The following RNGTT variants were observed in gnomAD, a reference collection of about 807,000 sequenced individuals.
RNGTT encodes the protein mRNA-capping enzyme.
In RNGTT, 33 loss-of-function variants were observed where a neutral mutation model predicts 79.3. The ratio of observed to expected loss-of-function variants is 0.42; its 90% CI spans 0.32 to 0.56. RNGTT has a LOEUF of 0.56. RNGTT is among the 20% of genes least tolerant of loss of function. The probability of loss-of-function intolerance (pLI) is 0.17; values close to 1 mark genes in which losing one functional copy is unlikely to be tolerated. For missense variants in RNGTT, 497 were observed against 739.1 expected (o/e 0.67, Z 3.80); for synonymous variants, 222 against 235.9 (o/e 0.94, Z 0.54).
chr6:88,766,274 T>C (rs1778458289), intron 13 of RNGTT, among the ~76,000 whole-genome samples: 1 of 152,110 alleles, frequency 6.6e-6, no homozygotes, highest in East Asian at 1.9e-4. Context: ...TACTATTCTA[T>C]ACAAATAATA....
intron 11 of RNGTT, among the ~76,000 whole-genome samples, chr6:88,810,955 G>A (rs1484405101): frequency 6.6e-6 from 1 of 152,182 alleles, no homozygotes; most frequent in Non-Finnish European, 1.5e-5. Context: ...CTTGGCCAAT[G>A]TGCCTAAATA....
At chr6:88,843,070 C>A (rs529127465) in intron 11 of RNGTT, among the ~76,000 whole-genome samples, 1 of 148,668 alleles carries the variant, frequency 6.7e-6, no homozygotes, top group African/African-American at 2.5e-5. Flanking sequence ...GAGACCCTGC[C>A]TCAAAACAAA....
intron 14 of RNGTT, among the ~76,000 whole-genome samples, chr6:88,622,518 C>T (rs76577299): frequency 6.6e-6 from 1 of 152,092 alleles, no homozygotes; most frequent in Non-Finnish European, 1.5e-5. Flanking sequence ...CATTGTCTTA[C>T]ACATTTAAAT....
intron 8 of RNGTT, among the ~76,000 whole-genome samples, chr6:88,859,315 C>A (rs1340021200): frequency 6.6e-6 from 1 of 152,036 alleles, no homozygotes; most frequent in Admixed American, 6.6e-5. Context: ...ACATTGGTTA[C>A]AAAGATACTG....
chr6:88,963,201 TC>T, intron 1 of RNGTT, 144 bp downstream of exon 1: 2 of 745,424 alleles, frequency 2.7e-6, no homozygotes, highest in South Asian at 3.5e-5. Context: ...TTCCCATTCA[TC>T]CACGAAGCGT....
intron 15 of RNGTT, among the ~76,000 whole-genome samples, chr6:88,613,110 T>C (rs1772093675): frequency 6.6e-6 from 1 of 152,262 alleles, no homozygotes; most frequent in African/African-American, 2.4e-5. Flanking sequence ...AAACTTTAAA[T>C]GTTTGGGCTA....
At chr6:88,933,404 C>T (rs915937828) in intron 2 of RNGTT, among the ~76,000 whole-genome samples, 4 of 152,134 alleles carry the variant, frequency 2.6e-5, no homozygotes, top group Admixed American at 6.6e-5. Flanking sequence ...CTCCCTTCAC[C>T]ATGCTCCTCC....
chr6:88,849,728 T>TG (rs1781609175), intron 10 of RNGTT, 27 bp downstream of exon 10: 2 of 1,494,956 alleles, frequency 1.3e-6, no homozygotes, highest in African/African-American at 2.9e-5. Flanking sequence ...AGTAATAACT[T>TG]GTATTTTATA....
intron 8 of RNGTT, among the ~76,000 whole-genome samples, chr6:88,873,604 T>C (rs1782423417): frequency 6.6e-6 from 1 of 152,148 alleles, no homozygotes. Context: ...TCTAAAAGCA[T>C]ACACACCAAA....
At chr6:88,744,132 G>C (rs2127826798) in intron 13 of RNGTT, among the ~76,000 whole-genome samples, 1 of 152,156 alleles carries the variant, frequency 6.6e-6, no homozygotes, top group South Asian at 2.1e-4. Flanking sequence ...GCTTTCATGA[G>C]TTCATCATCT....
intron 13 of RNGTT, among the ~76,000 whole-genome samples, chr6:88,691,829 G>A (rs1775493323): frequency 6.6e-6 from 1 of 152,098 alleles, no homozygotes. Flanking sequence ...GAGACAGATT[G>A]ACTCCTAAAC....
chr6:88,782,552 G>T (rs1159385329), intron 12 of RNGTT, among the ~76,000 whole-genome samples: 1 of 150,732 alleles, frequency 6.6e-6, no homozygotes, highest in Non-Finnish European at 1.5e-5. Context: ...AGACAAGTGG[G>T]ACTATATCAA....
At chr6:88,678,570 T>A (rs186714140) in intron 13 of RNGTT, 151 bp from the exon 14 acceptor site, 10 of 376,204 alleles carry the variant, frequency 2.7e-5, no homozygotes, top group African/African-American at 2.1e-4. Flanking sequence ...GTGTAATTAT[T>A]CTTATCTTTC....
At chr6:88,956,066 C>T (rs1275579818) in intron 1 of RNGTT, among the ~76,000 whole-genome samples, 1 of 138,836 alleles carries the variant, frequency 7.2e-6, no homozygotes, top group Non-Finnish European at 1.6e-5. Context: ...AAAAAAAAAG[C>T]TGGTTCTTTG....
At chr6:88,713,335 G>GA (rs1022181174) in intron 13 of RNGTT, among the ~76,000 whole-genome samples, 5 of 152,096 alleles carry the variant, frequency 3.3e-5, no homozygotes, top group African/African-American at 1.2e-4. Context: ...CTAAAACTAT[G>GA]AAAAGTAGGT....
At chr6:88,701,115 AAGAAG>A (rs1414411349) in intron 13 of RNGTT, among the ~76,000 whole-genome samples, 6 of 152,008 alleles carry the variant, frequency 3.9e-5, no homozygotes, top group African/African-American at 1.2e-4. Flanking sequence ...AAGAAGAAGA[AAGAAG>A]AGAAGAAGAA....
At chr6:88,936,565 T>C (rs1025913450) in intron 2 of RNGTT, among the ~76,000 whole-genome samples, 8 of 152,192 alleles carry the variant, frequency 5.3e-5, no homozygotes, top group Non-Finnish European at 1.0e-4. Context: ...GCCTAGTTTG[T>C]TGAGAGTTTT....
chr6:88,896,417 A>G (rs933688628), intron 6 of RNGTT, among the ~76,000 whole-genome samples: 3 of 152,238 alleles, frequency 2.0e-5, no homozygotes, highest in Non-Finnish European at 2.9e-5. Flanking sequence ...TAGTCTCTGC[A>G]TGTGGCTAAA....
At chr6:88,891,741 A>T (rs1208650649) in intron 7 of RNGTT, 65 bp downstream of exon 7, 4 of 982,004 alleles carry the variant, frequency 4.1e-6, no homozygotes, top group Admixed American at 6.0e-5. Flanking sequence ...AGATATGTCA[A>T]TGCTTGTATT....
Sources: gnomAD v4.1 joint callset for allele counts (sites outside exome capture counted in the v4.1 genomes callset) on GRCh38, gnomAD v4.1.1 for gene constraint, MANE v1.5 for transcripts, NCBI Gene and HGNC (gene_info 2026-07-23, HGNC 2026-07-21) for gene names.